Variants in CIRSR observed in about 807,000 individuals in gnomAD.
The protein encoded by CIRSR is CBF1 (RBPJ) interacting corepressor 1.
chr2:174,359,954 G>C, the CIRSR span, among the ~76,000 whole-genome samples: 26 of 152,222 alleles, frequency 1.7e-4, no homozygotes, highest in Admixed American at 1.4e-3. Context: ...GCAAACTATC[G>C]CAAGGACAGA....
At chr2:174,392,751 T>C in the CIRSR span, among the ~76,000 whole-genome samples, 1 of 152,210 alleles carries the variant, frequency 6.6e-6, no homozygotes, top group Non-Finnish European at 1.5e-5. Context: ...CCATATGAGA[T>C]AGCAAGTATA....
the CIRSR span, among the ~76,000 whole-genome samples, chr2:174,368,255 C>T: frequency 5.3e-5 from 8 of 152,152 alleles, no homozygotes; most frequent in African/African-American, 1.9e-4. Context: ...CTTCCTCTAA[C>T]AACAGCAGAA....
the CIRSR span, among the ~76,000 whole-genome samples, chr2:174,388,688 C>T: frequency 5.2e-4 from 79 of 152,078 alleles, no homozygotes; most frequent in African/African-American, 8.0e-4. Context: ...ACATATTTTA[C>T]GCAAACACAC....
the CIRSR span, among the ~76,000 whole-genome samples, chr2:174,367,391 A>G: frequency 1.3e-5 from 2 of 152,128 alleles, no homozygotes; most frequent in Admixed American, 1.3e-4. Flanking sequence ...CATCCTGGCT[A>G]ACACAGTGAA....
the CIRSR span, among the ~76,000 whole-genome samples, chr2:174,386,807 T>C: frequency 6.6e-6 from 1 of 152,240 alleles, no homozygotes; most frequent in East Asian, 1.9e-4. Context: ...GAATTATTAT[T>C]TCCTATACTA....
chr2:174,368,870 G>A, the CIRSR span, among the ~76,000 whole-genome samples: 1 of 152,170 alleles, frequency 6.6e-6, no homozygotes, highest in African/African-American at 2.4e-5. Context: ...CAGATGTGCT[G>A]TCATCTAGGC....
the CIRSR span, among the ~76,000 whole-genome samples, chr2:174,375,607 CA>C: frequency 1.6e-3 from 244 of 151,434 alleles, no homozygotes; most frequent in Non-Finnish European, 3.1e-3. Context: ...GACACCGTCT[CA>C]AAAAAAACCA....
At chr2:174,387,531 G>A in the CIRSR span, 1 of 711,086 alleles carries the variant, frequency 1.4e-6, no homozygotes, top group South Asian at 2.1e-5. Context: ...GTCATCTACA[G>A]GTATGAGAGT....
chr2:174,377,891 G>T, the CIRSR span, among the ~76,000 whole-genome samples: 2 of 149,924 alleles, frequency 1.3e-5, no homozygotes, highest in Non-Finnish European at 3.0e-5. Context: ...TAGGAGAACT[G>T]GCACTTTGAA....
the CIRSR span, among the ~76,000 whole-genome samples, chr2:174,376,025 AATTTTTTGT>A: frequency 6.6e-6 from 1 of 151,922 alleles, no homozygotes; most frequent in Non-Finnish European, 1.5e-5. Context: ...GCCCAGCTAG[AATTTTTTGT>A]ATTTTTTGTA....
chr2:174,377,818 C>T, the CIRSR span, among the ~76,000 whole-genome samples: 7 of 93,918 alleles, frequency 7.5e-5, no homozygotes, highest in African/African-American at 8.0e-5. Flanking sequence ...GAGCCAGACG[C>T]CATCTCAAAA....
chr2:174,350,577 G>A, the CIRSR span: 1 of 792,228 alleles, frequency 1.3e-6, no homozygotes, highest in Non-Finnish European at 2.0e-6. Context: ...ACCTTCATGA[G>A]CTCTTAGGAT....
At chr2:174,351,716 A>G in the CIRSR span, 1 of 1,612,298 alleles carries the variant, frequency 6.2e-7, no homozygotes, top group African/African-American at 1.3e-5. Flanking sequence ...CGAGGGGTGC[A>G]TCGATGGCCC....
chr2:174,360,203 T>A, the CIRSR span, among the ~76,000 whole-genome samples: 1 of 152,320 alleles, frequency 6.6e-6, no homozygotes, highest in Non-Finnish European at 1.5e-5. Flanking sequence ...GAACTTAAAG[T>A]AAAATAAATA....
the CIRSR span, among the ~76,000 whole-genome samples, chr2:174,364,876 T>C: frequency 0.077 from 11,689 of 152,094 alleles, 1,167 homozygotes; most frequent in African/African-American, 0.22. Context: ...GGGGCTGCCA[T>C]GAAGACTTCT....
the CIRSR span, among the ~76,000 whole-genome samples, chr2:174,364,944 T>G: frequency 6.6e-6 from 1 of 152,240 alleles, no homozygotes; most frequent in Admixed American, 6.5e-5. Context: ...GGTTCCTTGT[T>G]ACTCATGCAA....
the CIRSR span, among the ~76,000 whole-genome samples, chr2:174,358,691 G>C: frequency 1.3e-5 from 2 of 152,206 alleles, no homozygotes; most frequent in Non-Finnish European, 2.9e-5. Flanking sequence ...TGATGAACCT[G>C]AAGTATTAGA....
the CIRSR span, among the ~76,000 whole-genome samples, chr2:174,366,092 T>C: frequency 1.3e-5 from 2 of 152,316 alleles, no homozygotes; most frequent in East Asian, 3.9e-4. Flanking sequence ...AATTCATATT[T>C]ACAATGCCTT....
the CIRSR span, chr2:174,351,963 C>T: frequency 3.0e-6 from 1 of 337,194 alleles, no homozygotes; most frequent in Non-Finnish European, 5.3e-6. Flanking sequence ...GTAACTTTGT[C>T]ATATTGAAAA....
Sources: gnomAD v4.1 joint callset for allele counts (sites outside exome capture counted in the v4.1 genomes callset) on GRCh38, gnomAD v4.1.1 for gene constraint, MANE v1.5 for transcripts, NCBI Gene and HGNC (gene_info 2026-07-23, HGNC 2026-07-21) for gene names.